The following CD86 variants were observed in gnomAD, a reference collection of about 807,000 sequenced individuals.
The protein encoded by CD86 is CD86 molecule, also known as T-lymphocyte activation antigen CD86.
Under a neutral mutation model 32.1 loss-of-function variants are expected in CD86, and 11 were observed. The ratio of observed to expected loss-of-function variants is 0.34; its 90% CI spans 0.22 to 0.57. CD86 has a LOEUF of 0.57. Among genes scored for constraint, CD86 ranks in the 20% least tolerant of loss-of-function variants. The probability of loss-of-function intolerance (pLI) is 0.86; values close to 1 mark genes in which losing one functional copy is unlikely to be tolerated. For synonymous variants in CD86, 137 were observed against 135.3 expected, an observed-to-expected ratio of 1.01 and a Z score of -0.09; for missense variants, 359 against 398.4, an observed-to-expected ratio of 0.90 and a Z score of 0.84.
chr3:122,078,741 T>C (rs780528481), intron 1 of CD86, among the ~76,000 whole-genome samples: 1 of 152,234 alleles, frequency 6.6e-6, no homozygotes, highest in Non-Finnish European at 1.5e-5. Context: ...TCTCTATTAA[T>C]AGCAATTTAA....
rs2073077757 is a variant in CD86 at position 122,105,575 on chromosome 3, A to C, written c.401-623A>C. ...CAAAGGCAAGAGAAACACTGTGTTT[A>C]TTAAGATCATGTATTTTTCCCTAAA... On this transcript the variant is annotated intron_variant, in intron 3 of 6. Transcript: ENST00000330540. Among the ~76,000 whole-genome samples the C allele has an allele frequency of 2.6e-5, 4 of 152,226 alleles. 1 individual carries two copies. The South Asian group carries it at 8.3e-4, about 31-fold the overall frequency.
chr3:122,119,368 C>A, intron 6 of CD86, 70 bp from the exon 7 acceptor site: 1 of 871,802 alleles, frequency 1.1e-6, no homozygotes, highest in Non-Finnish European at 1.9e-6. Flanking sequence ...TCTGCCCTAT[C>A]ATTGAAATCT....
chr3:122,086,664 G>A (rs976342716), intron 1 of CD86: 3 of 457,262 alleles, frequency 6.6e-6, no homozygotes, highest in Non-Finnish European at 1.3e-5. Flanking sequence ...GTGGGTATTC[G>A]AGCAGTGTTT....
intron 1 of CD86, 75 bp downstream of exon 1, chr3:122,055,578 T>G: frequency 7.6e-7 from 1 of 1,310,300 alleles, no homozygotes; most frequent in Non-Finnish European, 1.1e-6. Flanking sequence ...TTGAAGATGG[T>G]GCTTTGATGT....
intron 1 of CD86, among the ~76,000 whole-genome samples, chr3:122,070,358 T>C (rs1350281286): frequency 2.6e-5 from 4 of 152,070 alleles, no homozygotes; most frequent in Admixed American, 6.6e-5. Context: ...CCAGGGCAGC[T>C]AGGGAGGCAG....
At chr3:122,068,434 A>G (rs946654190) in intron 1 of CD86, among the ~76,000 whole-genome samples, 1 of 152,228 alleles carries the variant, frequency 6.6e-6, no homozygotes, top group Non-Finnish European at 1.5e-5. Context: ...CTGAGGTTAT[A>G]AAGAAAATGG....
Position 122,119,427 on chromosome 3 carries a change from T to C in CD86, c.894-11T>C. On this transcript the variant is annotated splice_polypyrimidine_tract_variant and intron_variant, in intron 6 of 6. Coordinates refer to ENST00000330540, the MANE Select transcript of CD86 (RefSeq NM_175862.5). ...TGAAATATCACCTAATCTTTTCTTC[T>C]ATTTCTCCAGAGAAAAAATCCATAT... 6.5e-7 allele frequency: 1 copy of C among 1,533,188 alleles called. No homozygotes were observed. Among genetic ancestry groups the C allele is most frequent in the Non-Finnish European group, 9.0e-7 (1 of 1,109,500 alleles). The allele number at this position is 1,533,188 out of a possible 1,614,324, so 95.0% of individuals were successfully genotyped here.
intron 1 of CD86, among the ~76,000 whole-genome samples, chr3:122,084,689 A>C (rs2072687850): frequency 6.6e-6 from 1 of 152,206 alleles, no homozygotes; most frequent in Non-Finnish European, 1.5e-5. Flanking sequence ...GTGGTGGCTC[A>C]GAACTCCAGA....
chr3:122,090,879 C>T (rs2107526324), intron 1 of CD86, among the ~76,000 whole-genome samples: 1 of 152,308 alleles, frequency 6.6e-6, no homozygotes, highest in South Asian at 2.1e-4. Flanking sequence ...GCAGCATTGT[C>T]ATCACCTTAT....
chr3:122,065,860 GA>G (rs919155181), intron 1 of CD86, among the ~76,000 whole-genome samples: 2 of 152,084 alleles, frequency 1.3e-5, no homozygotes, highest in East Asian at 1.9e-4. Context: ...AATTGGGGGA[GA>G]GGGGGAAACT....
chr3:122,069,585 C>T (rs2072461492), intron 1 of CD86, among the ~76,000 whole-genome samples: 1 of 152,122 alleles, frequency 6.6e-6, no homozygotes, highest in African/African-American at 2.4e-5. Context: ...CTTTAGTGTC[C>T]ATGTCCATGG....
At chr3:122,104,957 A>T (rs946994506) in intron 3 of CD86, among the ~76,000 whole-genome samples, 6 of 152,170 alleles carry the variant, frequency 3.9e-5, no homozygotes, top group Admixed American at 3.9e-4. Context: ...GTATTACTGG[A>T]TCCAGGTTAA....
chr3:122,106,743 T>G (rs2073097525), intron 4 of CD86, among the ~76,000 whole-genome samples: 1 of 151,966 alleles, frequency 6.6e-6, no homozygotes, highest in African/African-American at 2.4e-5. Flanking sequence ...AGTCTCTTGG[T>G]TTACCTTTGG....
At chr3:122,088,018 T>C (rs951672030) in intron 1 of CD86, among the ~76,000 whole-genome samples, 1 of 152,060 alleles carries the variant, frequency 6.6e-6, no homozygotes, top group Non-Finnish European at 1.5e-5. Flanking sequence ...GAATGAAAGG[T>C]GATTTGTTAA....
chr3:122,062,534 A>G (rs981569938), intron 1 of CD86, among the ~76,000 whole-genome samples: 1 of 152,190 alleles, frequency 6.6e-6, no homozygotes, highest in African/African-American at 2.4e-5. Context: ...GATTTTTTAT[A>G]AGAGTTTTTT....
chr3:122,097,855 A>C (rs1210907083), intron 2 of CD86, among the ~76,000 whole-genome samples: 1 of 152,210 alleles, frequency 6.6e-6, no homozygotes, highest in Admixed American at 6.5e-5. Flanking sequence ...CTCTATGATG[A>C]GGAGGCTTCA....
chr3:122,103,678 T>A lies in CD86; in HGVS notation c.231T>A (p.Ser77Arg). The change falls in exon 3 of 7, where the codon AGT (serine) becomes AGA (arginine). Residue 77 changes from serine (S) to arginine (R), a missense_variant. Ser to Arg is a moderately radical substitution (Grantham distance 110). Transcript: ENST00000330540. ...EVYLGKEKFD[S>R]VHSKYMGRTS... ...ACTTAGGCAAAGAGAAATTTGACAG[T>A]GTTCATTCCAAGTATATGGGCCGCA... The A allele has an allele frequency of 6.2e-7, 1 of 1,614,068 alleles. No individual in the cohort carries two copies. The highest frequency in any genetic ancestry group is 8.5e-7 in the Non-Finnish European group (1 of 1,179,930).
chr3:122,077,818 C>T (rs913514595), intron 1 of CD86: 11 of 985,438 alleles, frequency 1.1e-5, no homozygotes, highest in Admixed American at 1.2e-4. Context: ...AGCACTGTCC[C>T]TGGCTGTGGT....
At chr3:122,064,976 G>A (rs1392558768) in intron 1 of CD86, among the ~76,000 whole-genome samples, 1 of 152,138 alleles carries the variant, frequency 6.6e-6, no homozygotes, top group Non-Finnish European at 1.5e-5. Context: ...TATCACCATA[G>A]CTAATATGTC....
Sources: gnomAD v4.1 joint callset for allele counts (sites outside exome capture counted in the v4.1 genomes callset) on GRCh38, gnomAD v4.1.1 for gene constraint, MANE v1.5 for transcripts, NCBI Gene and HGNC (gene_info 2026-07-23, HGNC 2026-07-21) for gene names.